Variants in GNA14 observed in about 807,000 individuals in gnomAD.
GNA14 encodes G protein subunit alpha 14.
In GNA14, 50 loss-of-function variants were observed where a neutral mutation model predicts 42.0. That is an observed-to-expected ratio of 1.19 (90% confidence interval 0.95 to 1.51). GNA14 has a LOEUF of 1.51. GNA14 is among the 40% of genes most tolerant of loss of function. The pLI, the probability that GNA14 is intolerant of heterozygous loss-of-function variation, is 0.00. For synonymous variants in GNA14, 173 were observed against 163.1 expected (o/e 1.06, Z -0.46); for missense variants, 473 against 446.2 (o/e 1.06, Z -0.54).
Position 77,427,988 on chromosome 9 carries a change from C to A in GNA14, c.723+919G>T, listed in dbSNP as rs1587753447. Among the ~76,000 whole-genome samples the A allele has an allele frequency of 2.0e-5, 3 of 152,098 alleles. No homozygotes were observed. The East Asian group carries it at 5.8e-4, about 29-fold the overall frequency. On this transcript the variant is annotated intron_variant, in intron 5 of 6. Transcript: ENST00000341700. Reference sequence around the variant, plus strand: ...TCGGCATTGGTTGTGCAGTAGAATCCCTGGTGGGCTCTCAAAAGAAGCCTC... The same window carrying A: ...TCGGCATTGGTTGTGCAGTAGAATCACTGGTGGGCTCTCAAAAGAAGCCTC...
rs1835614160 is a variant in GNA14 at position 77,434,645 on chromosome 9, G to A, written c.310-123C>T. 5.1e-6 allele frequency: 4 copies of A among 791,860 alleles called. No homozygotes were observed. The Admixed American group carries it at 1.1e-4, about 21-fold the overall frequency. The allele number at this position is 791,860 out of a possible 1,614,324, so 49.1% of individuals were successfully genotyped here. The stretch of plus-strand genomic sequence containing the variant: ...GAGCTCTCACTAGGCATGGGGCGTG[G>A]TGGGCACCCTCCCAGGGGCCGCTCA... On this transcript the variant is annotated intron_variant, in intron 2 of 6. Coordinates refer to ENST00000341700, the MANE Select transcript of GNA14 (RefSeq NM_004297.4).
chr9:77,527,876 C>A (rs1228477902), intron 2 of GNA14, among the ~76,000 whole-genome samples: 1 of 152,200 alleles, frequency 6.6e-6, no homozygotes, highest in Non-Finnish European at 1.5e-5. Context: ...CTCAGGTGAT[C>A]CCCCTGCCTT....
At chr9:77,510,157 G>A (rs978690435) in intron 2 of GNA14, among the ~76,000 whole-genome samples, 4 of 152,074 alleles carry the variant, frequency 2.6e-5, no homozygotes, top group Admixed American at 6.6e-5. Flanking sequence ...ACACTCACCA[G>A]TCTTCTTTTT....
chr9:77,603,961 A>C (rs1370982740), intron 1 of GNA14, among the ~76,000 whole-genome samples: 101 of 64,310 alleles, frequency 1.6e-3, no homozygotes, highest in South Asian at 9.0e-3. Flanking sequence ...AAAAACAAAA[A>C]AAAAAAAAAA....
intron 1 of GNA14, among the ~76,000 whole-genome samples, chr9:77,596,613 G>A (rs536843550): frequency 1.3e-5 from 2 of 152,214 alleles, no homozygotes; most frequent in East Asian, 3.9e-4. Flanking sequence ...AGGAAGAAGA[G>A]ATTATACCGA....
intron 2 of GNA14, among the ~76,000 whole-genome samples, chr9:77,472,817 T>TCTCC (rs1232496216): frequency 1.6e-4 from 24 of 148,446 alleles, no homozygotes; most frequent in East Asian, 1.0e-3. Context: ...TCTCTCTCTC[T>TCTCC]CCTCCAAGCC....
intron 1 of GNA14, among the ~76,000 whole-genome samples, chr9:77,554,348 TA>T (rs1822730771): frequency 6.6e-6 from 1 of 152,224 alleles, no homozygotes; most frequent in Non-Finnish European, 1.5e-5. Context: ...TTTCATTATT[TA>T]TGCACAAGAA....
At chr9:77,512,240 C>T (rs980966988) in intron 2 of GNA14, among the ~76,000 whole-genome samples, 2 of 152,120 alleles carry the variant, frequency 1.3e-5, no homozygotes, top group African/African-American at 4.8e-5. Flanking sequence ...CACTCCACAC[C>T]CCCAGGATAA....
chr9:77,498,167 A>T (rs1417812648), intron 2 of GNA14, among the ~76,000 whole-genome samples: 1 of 152,164 alleles, frequency 6.6e-6, no homozygotes, highest in Non-Finnish European at 1.5e-5. Flanking sequence ...TGAGGTCAGG[A>T]GTTCAAGACT....
chr9:77,445,988 C>T (rs1048205802), intron 2 of GNA14, among the ~76,000 whole-genome samples: 8 of 152,180 alleles, frequency 5.3e-5, no homozygotes, highest in African/African-American at 1.7e-4. Context: ...TCAGAATCTG[C>T]GGAGCCTGCT....
chr9:77,552,302 T>C (rs1837796482), intron 1 of GNA14, among the ~76,000 whole-genome samples: 1 of 152,052 alleles, frequency 6.6e-6, no homozygotes, highest in African/African-American at 2.4e-5. Context: ...AGTGGAGGCT[T>C]TGAGAGGCTG....
At chr9:77,571,210 A>G (rs1006575747) in intron 1 of GNA14, among the ~76,000 whole-genome samples, 1 of 152,216 alleles carries the variant, frequency 6.6e-6, no homozygotes, top group Non-Finnish European at 1.5e-5. Context: ...TGTACCTTCT[A>G]TGAGTTCATA....
chr9:77,565,852 G>T (rs965394782), intron 1 of GNA14, among the ~76,000 whole-genome samples: 2 of 152,182 alleles, frequency 1.3e-5, no homozygotes, highest in Non-Finnish European at 2.9e-5. Context: ...CAAATAATGG[G>T]CATTTAGGCT....
At chr9:77,519,275 G>C (rs1159241893) in intron 2 of GNA14, among the ~76,000 whole-genome samples, 1 of 152,108 alleles carries the variant, frequency 6.6e-6, no homozygotes, top group Non-Finnish European at 1.5e-5. Flanking sequence ...GCTGGGCGTG[G>C]TGGCGGGTGC....
intron 1 of GNA14, among the ~76,000 whole-genome samples, chr9:77,619,887 C>A (rs1823894123): frequency 6.6e-6 from 1 of 152,130 alleles, no homozygotes; most frequent in Non-Finnish European, 1.5e-5. Context: ...ACCAGTCAGA[C>A]TACCAATTCA....
At chr9:77,576,487 C>T (rs923378160) in intron 1 of GNA14, among the ~76,000 whole-genome samples, 1 of 152,116 alleles carries the variant, frequency 6.6e-6, no homozygotes, top group African/African-American at 2.4e-5. Context: ...AGAGTAACAT[C>T]TTCATCTTAT....
At chr9:77,474,840 G>A (rs542922010) in intron 2 of GNA14, among the ~76,000 whole-genome samples, 2 of 152,162 alleles carry the variant, frequency 1.3e-5, no homozygotes, top group East Asian at 3.9e-4. Context: ...TACTGATACA[G>A]GTTACAAAGT....
intron 1 of GNA14, among the ~76,000 whole-genome samples, chr9:77,590,263 C>T (rs1021365673): frequency 6.6e-6 from 1 of 152,126 alleles, no homozygotes. Context: ...TTTTCCTAAC[C>T]TTTGTGATCA....
chr9:77,430,043 TCAATACTG>T (rs1835519654), intron 4 of GNA14, among the ~76,000 whole-genome samples: 1 of 151,982 alleles, frequency 6.6e-6, no homozygotes, highest in African/African-American at 2.4e-5. Context: ...AATGAAAAAT[TCAATACTG>T]TTCTTGAACC....
Sources: gnomAD v4.1 joint callset for allele counts (sites outside exome capture counted in the v4.1 genomes callset) on GRCh38, gnomAD v4.1.1 for gene constraint, MANE v1.5 for transcripts, NCBI Gene and HGNC (gene_info 2026-07-23, HGNC 2026-07-21) for gene names.